Variants in BTAF1 observed in about 807,000 individuals in gnomAD.
BTAF1 encodes TATA-binding protein-associated factor 172.
Under a neutral mutation model 227.1 loss-of-function variants are expected in BTAF1, and 38 were observed. That is an observed-to-expected ratio of 0.17 (90% CI 0.13 to 0.22). The LOEUF (loss-of-function observed/expected upper bound fraction) is 0.22, where lower values mean the gene tolerates loss of function less well. Among genes scored for constraint, BTAF1 ranks in the 10% least tolerant of loss-of-function variants. The probability of loss-of-function intolerance (pLI) is 1.00; values close to 1 mark genes in which losing one functional copy is unlikely to be tolerated. For missense variants in BTAF1, 1,598 were observed against 2,204.0 expected (o/e 0.73, Z 5.51); for synonymous variants, 742 against 751.9 (o/e 0.99, Z 0.21).
chr10:91,977,498 C>G (rs1464532093), intron 14 of BTAF1, among the ~76,000 whole-genome samples: 1 of 152,176 alleles, frequency 6.6e-6, no homozygotes, highest in African/African-American at 2.4e-5. Context: ...CCGAAGACAT[C>G]TTGCCTGCTT....
intron 1 of BTAF1, among the ~76,000 whole-genome samples, chr10:91,925,781 A>G (rs980519166): frequency 2.0e-5 from 3 of 152,170 alleles, no homozygotes; most frequent in African/African-American, 7.2e-5. Flanking sequence ...AAGTGCTGGG[A>G]TTACAGGCGT....
At chr10:92,024,732 G>GTTTTTTTGTT (rs66512665) in intron 34 of BTAF1, 24 bp from the exon 35 acceptor site, 349,271 of 1,210,330 alleles carry the variant, frequency 0.29, 24,575 homozygotes, top group East Asian at 0.37. Flanking sequence ...CGCTTATGTA[G>GTTTTTTTGTT]TTTTTTTTTT....
At chr10:91,953,111 C>A (rs1400542265) in intron 5 of BTAF1, among the ~76,000 whole-genome samples, 1 of 152,160 alleles carries the variant, frequency 6.6e-6, no homozygotes, top group Non-Finnish European at 1.5e-5. Context: ...AGCAGAACAT[C>A]CACACCAGTG....
Position 91,923,910 on chromosome 10 carries a change from G to C in BTAF1, c.-167G>C. 1 of 767,810 alleles carries C rather than the reference G, an allele frequency of 1.3e-6. No homozygotes were observed. 47.6% of individuals were successfully genotyped at this position (767,810 alleles called of 1,614,324 possible). A position where few individuals can be genotyped will look rare whatever the true frequency, so the allele number is the denominator to read the frequency against. ...GCCGCCGCGGGGACGAGCTCGGGTA[G>C]GCGGCAGGGCAGATGCCCGAGGGCC... On this transcript the variant is annotated 5_prime_UTR_variant, in exon 1 of 38. Transcript: ENST00000265990.
intron 5 of BTAF1, among the ~76,000 whole-genome samples, chr10:91,952,180 G>GTA (rs917595928): frequency 2.8e-5 from 4 of 143,134 alleles, no homozygotes; most frequent in Non-Finnish European, 4.6e-5. Flanking sequence ...GTGTGTGTGT[G>GTA]TATATATATA....
chr10:92,005,635 T>G (rs1003863097), intron 25 of BTAF1, among the ~76,000 whole-genome samples: 2 of 152,158 alleles, frequency 1.3e-5, no homozygotes, highest in Non-Finnish European at 2.9e-5. Context: ...GTCAGGACCT[T>G]GTTACACTCT....
Position 91,993,776 on chromosome 10 carries a change from C to T in BTAF1, c.3128C>T (p.Ala1043Val). The T allele has an allele frequency of 7.5e-6, 12 of 1,608,904 alleles. No homozygotes were observed. The highest frequency in any genetic ancestry group is 1.0e-5 in the Non-Finnish European group (12 of 1,176,890). Reference protein sequence around the residue: ...TIVKHFGGEMAVKLPHLWDAM... With the variant: ...TIVKHFGGEMVVKLPHLWDAM... ...GTAAAGCATTTTGGTGGTGAAATGG[C>T]AGTGAAGTTGCCACATCTCTGGGAT... The change falls in exon 22 of 38, where the codon GCA (alanine) becomes GTA (valine). Residue 1043 changes from alanine to valine, a missense_variant. Around this residue, in one of 10 missense-constraint regions of BTAF1, gnomAD observed 425 missense variants for 491.2 expected, o/e 0.87. Transcript: ENST00000265990.
chr10:91,932,042 C>T (rs985320823), intron 1 of BTAF1, among the ~76,000 whole-genome samples: 1 of 152,038 alleles, frequency 6.6e-6, no homozygotes, highest in African/African-American at 2.4e-5. Flanking sequence ...GCAGAGGTGA[C>T]CTGACATAGC....
At chr10:91,981,585 G>A in intron 15 of BTAF1, 58 bp from the exon 16 acceptor site, 1 of 1,511,908 alleles carries the variant, frequency 6.6e-7, no homozygotes, top group African/African-American at 1.4e-5. Context: ...AAAGATAAGT[G>A]TTAGAGTTTA....
At chr10:91,982,509 T>C in intron 17 of BTAF1, 78 bp from the exon 18 acceptor site, 4 of 1,480,536 alleles carry the variant, frequency 2.7e-6, no homozygotes, top group Non-Finnish European at 3.6e-6. Flanking sequence ...TTATAGGAAA[T>C]TGAAAAAATT....
chr10:91,973,679 C>A (rs1207348130), intron 14 of BTAF1, among the ~76,000 whole-genome samples: 1 of 151,664 alleles, frequency 6.6e-6, no homozygotes, highest in East Asian at 1.9e-4. Context: ...CCGAGGCGGG[C>A]GGATCACGAG....
chr10:91,942,298 TTGTGTGTGTGTGTGTGTG>T (rs58443276), intron 3 of BTAF1, 106 bp from the exon 4 acceptor site: 10 of 546,748 alleles, frequency 1.8e-5, no homozygotes, highest in Admixed American at 3.4e-5. Context: ...AAAAAAAAGT[TTGTGTGTGTGTGTGTGTG>T]TGTGTGTGTG....
intron 34 of BTAF1, among the ~76,000 whole-genome samples, chr10:92,023,999 A>T (rs929991532): frequency 6.6e-6 from 1 of 152,160 alleles, no homozygotes; most frequent in South Asian, 2.1e-4. Flanking sequence ...GAAGAGTACT[A>T]TTGGGTATAC....
chr10:92,009,448 C>G (rs1234495120), intron 28 of BTAF1, among the ~76,000 whole-genome samples: 1 of 152,148 alleles, frequency 6.6e-6, no homozygotes, highest in African/African-American at 2.4e-5. Flanking sequence ...TATCAGGAAC[C>G]AAAGCCATTT....
chr10:91,932,274 C>T (rs1006223230), intron 1 of BTAF1, among the ~76,000 whole-genome samples: 4 of 152,116 alleles, frequency 2.6e-5, no homozygotes, highest in Admixed American at 6.5e-5. Flanking sequence ...TTGGGACAAG[C>T]GTAACTGCCT....
intron 1 of BTAF1, among the ~76,000 whole-genome samples, chr10:91,929,543 A>G (rs937527904): frequency 9.2e-5 from 14 of 152,192 alleles, no homozygotes; most frequent in Admixed American, 7.9e-4. Context: ...CACTGTTGAT[A>G]CTTCAGAGCA....
In BTAF1 at chr10:91,954,712, C is replaced by T. The variant is rs575061249; in HGVS notation, c.701+839C>T. ...AGCTGGGACTACAGGTGTGAACCAC[C>T]ATGTGTGGCTAATTTTTAAATTTTT... is the stretch of plus-strand genomic sequence containing the variant. On this transcript the variant is annotated intron_variant, in intron 6 of 37. Coordinates refer to ENST00000265990, the MANE Select transcript of BTAF1 (RefSeq NM_003972.3). Among the ~76,000 whole-genome samples the T allele has an allele frequency of 5.1e-4, 78 of 152,180 alleles. 1 individual carries two copies. Among genetic ancestry groups the T allele is most frequent in the African/African-American group, 1.8e-3 (75 of 41,506 alleles).
At chr10:91,954,058 C>G (rs1432316787) in intron 6 of BTAF1, among the ~76,000 whole-genome samples, 185 bp downstream of exon 6, 1 of 152,148 alleles carries the variant, frequency 6.6e-6, no homozygotes, top group Non-Finnish European at 1.5e-5. Context: ...CCAGAAAAAT[C>G]CACATGTACA....
chr10:91,998,208 C>A (rs1168388485), intron 25 of BTAF1, among the ~76,000 whole-genome samples: 3 of 151,162 alleles, frequency 2.0e-5, no homozygotes, highest in African/African-American at 7.3e-5. Context: ...GGCATTATTT[C>A]AAAAATGTTT....
Sources: gnomAD v4.1 joint callset for allele counts (sites outside exome capture counted in the v4.1 genomes callset) on GRCh38, gnomAD v4.1.1 for gene constraint, gnomAD v4.1.1 regional missense constraint, MANE v1.5 for transcripts, NCBI Gene and HGNC (gene_info 2026-07-23, HGNC 2026-07-21) for gene names.